PDZD4: variants seen among roughly 807,000 people sequenced by gnomAD.
The protein encoded by PDZD4 is PDZ domain containing 4.
Under a neutral mutation model 38.5 loss-of-function variants are expected in PDZD4, and 9 were observed. The observed-to-expected ratio is 0.23, with a 90% CI of 0.14 to 0.41. PDZD4 has a LOEUF of 0.41. Among genes scored for constraint, PDZD4 ranks in the 10% least tolerant of loss-of-function variants. PDZD4 has a pLI of 1.00. For synonymous variants in PDZD4, 349 were observed against 315.7 expected, an observed-to-expected ratio of 1.11 and a Z score of -1.12; for missense variants, 612 against 722.0, an observed-to-expected ratio of 0.85 and a Z score of 1.75.
chrX:153,807,193 G>A (rs1557077359), intron 3 of PDZD4, 86 bp downstream of exon 3: 15 of 982,213 alleles, frequency 1.5e-5, no homozygotes, highest in Admixed American at 2.9e-5. Context: ...GGAGGGCCAC[G>A]GGGTTGGGCC....
chrX:153,803,668 G>A lies in PDZD4; in HGVS notation c.2013C>T (p.Asp671=), dbSNP rs1557075404. ...EERSGMTTDD[D]AVSEMKMGRY... Reference sequence around the variant, plus strand: ...GGCCCATCTTCATCTCGCTCACCGCGTCGTCGTCGGTCGTCATACCGCTGC... The same window carrying A: ...GGCCCATCTTCATCTCGCTCACCGCATCGTCGTCGGTCGTCATACCGCTGC... Residue 671 remains aspartate (D), a synonymous_variant, in exon 8 of 8, where the codon GAC becomes GAT. Transcript: ENST00000393758. 5.0e-6 allele frequency: 6 copies of A among 1,208,987 alleles called. No individual in the cohort carries two copies. Among genetic ancestry groups the A allele is most frequent in the East Asian group, 3.0e-5 (1 of 33,749 alleles).
In PDZD4 at chrX:153,802,912, G is replaced by A. The variant is rs373555813; in HGVS notation, c.*441C>T. On this transcript the variant is annotated 3_prime_UTR_variant, in exon 8 of 8. Transcript: ENST00000393758. ...TCTACAAATAACTGCAGTGCGCAGC[G>A]GCGGGGAGAGGCCGCGCTCAGCAGC... 81 of 122,663 alleles carry A rather than the reference G, an allele frequency of 6.6e-4. 1 individual carries two copies. The South Asian group carries it at 0.024, about 36-fold the overall frequency. 10.1% of individuals were successfully genotyped at this position (122,663 alleles called of 1,213,427 possible).
chrX:153,829,983 CCCGCGCCCGCCGCA>C, intron 1 of PDZD4: 2 of 773,296 alleles, frequency 2.6e-6, no homozygotes, highest in Non-Finnish European at 3.3e-6. Flanking sequence ...CAACCTCCAT[CCCGCGCCCGCCGCA>C]CCGCGCCTCC....
rs372342797 is a variant in PDZD4 at position 153,808,412 on chromosome X, T to A, written c.244A>T (p.Met82Leu). Residue 82 changes from methionine to leucine, a missense_variant, in exon 2 of 8, where the codon ATG (methionine) becomes TTG (leucine). Transcript: ENST00000393758. Reference sequence around the variant, plus strand: ...GGCGGACGCAGCTTGCCCAGCGCCATGATATGCTCGAAGGTGATGTCGGTC... The same window carrying A: ...GGCGGACGCAGCTTGCCCAGCGCCAAGATATGCTCGAAGGTGATGTCGGTC... ...TQTDITFEHI[M>L]ALGKLRPPTP... The A allele has an allele frequency of 1.7e-6, 2 of 1,207,975 alleles. No individual in the cohort carries two copies. The highest frequency in any genetic ancestry group is 2.2e-6 in the Non-Finnish European group (2 of 892,716).
At position 153,808,433 on chromosome X, in the gene PDZD4, C is replaced by T. The variant is rs1557077961; in HGVS notation, c.223G>A (p.Asp75Asn). ...GCCATGATATGCTCGAAGGTGATGT[C>T]GGTCTGAGTGCCACTGTCCACCAGC... Reference protein sequence around the residue: ...LQLVDSGTQTDITFEHIMALG... With the variant: ...LQLVDSGTQTNITFEHIMALG... Residue 75 changes from aspartate to asparagine, a missense_variant, in exon 2 of 8, where the codon GAC becomes AAC. Asp to Asn is a conservative substitution (Grantham distance 23, BLOSUM62 1). Transcript: ENST00000393758. The T allele has an allele frequency of 2.5e-6, 3 of 1,211,352 alleles. No individual in the cohort carries two copies. The highest frequency in any genetic ancestry group is 3.5e-5 in the South Asian group (2 of 57,034).
At chrX:153,817,040 AC>A (rs2064370314) in intron 1 of PDZD4, among the ~76,000 whole-genome samples, 1 of 111,058 alleles carries the variant, frequency 9.0e-6, no homozygotes, top group Admixed American at 9.6e-5. Flanking sequence ...ACACACCCAA[AC>A]CACAGTGAGA....
intron 6 of PDZD4, 100 bp downstream of exon 6, chrX:153,805,405 T>A: frequency 3.4e-6 from 1 of 293,754 alleles, no homozygotes; most frequent in Non-Finnish European, 6.4e-6. Flanking sequence ...CTCCATCAAC[T>A]CCAGGTCGTT....
At chrX:153,817,673 G>A (rs1557080298) in intron 1 of PDZD4, among the ~76,000 whole-genome samples, 2 of 112,362 alleles carry the variant, frequency 1.8e-5, no homozygotes, top group East Asian at 5.5e-4. Context: ...TAAATGTTAT[G>A]TTATGCGTAT....
At chrX:153,806,668 C>T in intron 4 of PDZD4, 74 bp downstream of exon 4, 2 of 995,669 alleles carry the variant, frequency 2.0e-6, no homozygotes, top group Non-Finnish European at 2.8e-6. Flanking sequence ...TAGCTGGGAC[C>T]TTAAGGGCAG....
intron 1 of PDZD4, among the ~76,000 whole-genome samples, chrX:153,820,349 C>CAAAAAAAA (rs140401659): frequency 1.6e-4 from 3 of 18,235 alleles, no homozygotes; most frequent in African/African-American, 2.9e-4. Flanking sequence ...GACTCCATCT[C>CAAAAAAAA]AAAAAAAAAA....
chrX:153,805,945 C>T (rs2064244231), intron 5 of PDZD4, 126 bp downstream of exon 5: 4 of 736,244 alleles, frequency 5.4e-6, no homozygotes, highest in Admixed American at 2.7e-5. Context: ...GTTTAGGACA[C>T]GGCAGGCTGC....
intron 1 of PDZD4, among the ~76,000 whole-genome samples, chrX:153,828,358 G>A (rs781992681): frequency 3.8e-4 from 43 of 112,945 alleles, no homozygotes; most frequent in Non-Finnish European, 7.3e-4. Flanking sequence ...TTGGGCCAAG[G>A]AGGAATGTAG....
chrX:153,821,434 GT>G (rs2064422104), intron 1 of PDZD4, among the ~76,000 whole-genome samples: 1 of 107,514 alleles, frequency 9.3e-6, no homozygotes, highest in African/African-American at 3.4e-5. Context: ...CCCTCTATTT[GT>G]AAACAATTTT....
intron 3 of PDZD4, 55 bp downstream of exon 3, chrX:153,807,224 C>T (rs929667046): frequency 2.8e-5 from 32 of 1,137,143 alleles, no homozygotes; most frequent in Non-Finnish European, 3.6e-5. Flanking sequence ...GGCACACAGG[C>T]GTCGGGGCGG....
intron 1 of PDZD4, among the ~76,000 whole-genome samples, chrX:153,810,465 G>C (rs1243400551): frequency 3.5e-5 from 4 of 112,785 alleles, no homozygotes; most frequent in Non-Finnish European, 7.5e-5. Context: ...AGAGAGGGCA[G>C]GGCGAGGAGA....
chrX:153,830,519 T>G lies in PDZD4; in HGVS notation c.-221A>C. On this transcript the variant is annotated 5_prime_UTR_variant, in exon 1 of 8. Coordinates refer to ENST00000393758, the MANE Select transcript of PDZD4 (RefSeq NM_001303512.2). ...CGAGGCCAGGCGCGGGCATGCTCCC[T>G]CGCACCCGGCCAGGAGAAAAAGGGC... 3.4e-6 allele frequency: 1 copy of G among 292,661 alleles called. No homozygotes were observed. Among genetic ancestry groups the G allele is most frequent in the Non-Finnish European group, 6.0e-6 (1 of 166,331 alleles). 24.1% of individuals were successfully genotyped at this position (292,661 alleles called of 1,213,427 possible). A position where few individuals can be genotyped will look rare whatever the true frequency, so the allele number is the denominator to read the frequency against.
intron 1 of PDZD4, among the ~76,000 whole-genome samples, chrX:153,827,562 T>C (rs1439523587): frequency 8.9e-6 from 1 of 112,749 alleles, no homozygotes; most frequent in Non-Finnish European, 1.9e-5. Context: ...TGACTATTGA[T>C]ACATGGATGA....
intron 1 of PDZD4, among the ~76,000 whole-genome samples, chrX:153,828,624 C>T (rs2064506900): frequency 8.9e-6 from 1 of 112,701 alleles, no homozygotes; most frequent in Admixed American, 9.3e-5. Flanking sequence ...CGGTGTCGTC[C>T]CATGGCTCAT....
rs377424075 is a variant in PDZD4 at position 153,830,335 on chromosome X, G to T, written c.-37C>A. On this transcript the variant is annotated 5_prime_UTR_variant, in exon 1 of 8. Transcript: ENST00000393758. Reference sequence around the variant, plus strand: ...GCGAGAGGAGGCGGAGGGCGGGAACGGGAAGACGCCTTTCACTGACCCGGG... The same window carrying T: ...GCGAGAGGAGGCGGAGGGCGGGAACTGGAAGACGCCTTTCACTGACCCGGG... 1 of 1,172,870 alleles carries T rather than the reference G, an allele frequency of 8.5e-7. No individual in the cohort carries two copies.
Sources: gnomAD v4.1 joint callset for allele counts (sites outside exome capture counted in the v4.1 genomes callset) on GRCh38, gnomAD v4.1.1 for gene constraint, MANE v1.5 for transcripts, NCBI Gene and HGNC (gene_info 2026-07-23, HGNC 2026-07-21) for gene names.